ANKRD45: variants seen among roughly 807,000 people sequenced by gnomAD.
ANKRD45 encodes ankyrin repeat domain 45.
Under a neutral mutation model 28.1 loss-of-function variants are expected in ANKRD45, and 21 were observed. That is an observed-to-expected ratio of 0.75 (90% CI 0.53 to 1.08). The LOEUF (loss-of-function observed/expected upper bound fraction) is 1.08. Ranked by LOEUF, ANKRD45 falls within the 50% of genes least tolerant of loss-of-function variation. ANKRD45 has a pLI of 0.00. For missense variants in ANKRD45, 261 were observed against 308.7 expected (o/e 0.85, Z 1.16); for synonymous variants, 86 against 103.9 (o/e 0.83, Z 1.05).
chr1:173,623,091 G>A (rs1018298295), intron 5 of ANKRD45, among the ~76,000 whole-genome samples: 9 of 151,440 alleles, frequency 5.9e-5, no homozygotes, highest in Non-Finnish European at 1.2e-4. Flanking sequence ...TGAGGTGGGC[G>A]GACCACCTGA....
the ANKRD45 span, among the ~76,000 whole-genome samples, chr1:173,687,791 A>T: frequency 6.6e-6 from 1 of 152,152 alleles, no homozygotes; most frequent in East Asian, 1.9e-4. Context: ...CTCTGCTTCT[A>T]CAAGAGTTTC....
At chr1:173,670,894 A>G (rs1440961420), upstream of ANKRD45, among the ~76,000 whole-genome samples, 1 of 152,228 alleles carries the variant, frequency 6.6e-6, no homozygotes, top group Non-Finnish European at 1.5e-5. Flanking sequence ...ACTTAGAGGC[A>G]TGAAGAACAG....
upstream of ANKRD45, among the ~76,000 whole-genome samples, chr1:173,674,210 T>C (rs1292783917): frequency 6.6e-6 from 1 of 152,068 alleles, no homozygotes; most frequent in Non-Finnish European, 1.5e-5. Context: ...GACAGGGTTT[T>C]GCCATGTTGC....
chr1:173,691,068 C>T, the ANKRD45 span, among the ~76,000 whole-genome samples: 1 of 152,226 alleles, frequency 6.6e-6, no homozygotes, highest in African/African-American at 2.4e-5. Context: ...TAAGCCACCC[C>T]AACCAAGGAG....
intron 5 of ANKRD45, among the ~76,000 whole-genome samples, chr1:173,621,762 T>C (rs1667715250): frequency 6.6e-6 from 1 of 152,026 alleles, no homozygotes; most frequent in Non-Finnish European, 1.5e-5. Context: ...AAGGATGCCC[T>C]CTCCCACCAT....
the ANKRD45 span, among the ~76,000 whole-genome samples, chr1:173,714,298 A>G: frequency 1.3e-5 from 2 of 152,142 alleles, no homozygotes; most frequent in Non-Finnish European, 2.9e-5. Flanking sequence ...TTAAAAATAT[A>G]CTTTTTTGGC....
intron 3 of ANKRD45, among the ~76,000 whole-genome samples, chr1:173,643,476 G>A (rs183108864): frequency 6.6e-6 from 1 of 152,018 alleles, no homozygotes. Flanking sequence ...CAGGCTTCCT[G>A]AGAAAATTTT....
chr1:173,647,460 T>C (rs1194536764), intron 2 of ANKRD45, among the ~76,000 whole-genome samples: 1 of 152,192 alleles, frequency 6.6e-6, no homozygotes, highest in Admixed American at 6.5e-5. Context: ...ACTACAACTG[T>C]GTATACCTTA....
At chr1:173,692,044 T>G in the ANKRD45 span, among the ~76,000 whole-genome samples, 1 of 152,020 alleles carries the variant, frequency 6.6e-6, no homozygotes, top group Admixed American at 6.6e-5. Flanking sequence ...AATGAGTTAG[T>G]GTGGAGCAGC....
chr1:173,612,497 GA>G (rs1256027923), intron 5 of ANKRD45: 2 of 152,202 alleles, frequency 1.3e-5, no homozygotes, highest in Non-Finnish European at 2.9e-5. Flanking sequence ...CGTAATTTGG[GA>G]AATGCAAATC....
the ANKRD45 span, among the ~76,000 whole-genome samples, chr1:173,678,452 A>G: frequency 2.6e-5 from 4 of 152,202 alleles, no homozygotes; most frequent in South Asian, 2.1e-4. Flanking sequence ...AACAGAACCA[A>G]TGACAAAACC....
At chr1:173,710,176 A>AACAG in the ANKRD45 span, among the ~76,000 whole-genome samples, 1 of 152,072 alleles carries the variant, frequency 6.6e-6, no homozygotes, top group Non-Finnish European at 1.5e-5. Flanking sequence ...CAAACAAACA[A>AACAG]ACAAAATAGC....
the ANKRD45 span, among the ~76,000 whole-genome samples, chr1:173,704,101 G>C: frequency 8.5e-5 from 13 of 152,316 alleles, no homozygotes; most frequent in East Asian, 2.5e-3. Context: ...CATGTCCCGC[G>C]GTGGGGAGGC....
At chr1:173,659,708 A>T (rs540579867) in intron 1 of ANKRD45, among the ~76,000 whole-genome samples, 4 of 152,328 alleles carry the variant, frequency 2.6e-5, no homozygotes, top group Admixed American at 2.0e-4. Context: ...GAAAGAGATC[A>T]TATGATCTAA....
chr1:173,668,341 A>G (rs1229840566), intron 1 of ANKRD45, among the ~76,000 whole-genome samples: 1 of 152,242 alleles, frequency 6.6e-6, no homozygotes, highest in Non-Finnish European at 1.5e-5. Flanking sequence ...GGGAAGTCAC[A>G]GCAGGAACTC....
At chr1:173,661,305 G>A (rs946541439) in intron 1 of ANKRD45, among the ~76,000 whole-genome samples, 2 of 152,162 alleles carry the variant, frequency 1.3e-5, no homozygotes, top group African/African-American at 4.8e-5. Context: ...GGGCAAGACT[G>A]TCATTCAGAA....
chr1:173,660,594 G>A lies in ANKRD45; in HGVS notation c.-15-1161C>T, dbSNP rs371232637. On this transcript the variant is annotated intron_variant, in intron 1 of 5. Coordinates refer to ENST00000333279, the MANE Select transcript of ANKRD45 (RefSeq NM_198493.3). ...GCAATAATGAGGGGATGTAAATTCTGTAATTCAGTTACAACAGACTGTGAT... is the reference window on the plus strand; with the variant it reads ...GCAATAATGAGGGGATGTAAATTCTATAATTCAGTTACAACAGACTGTGAT... 2.9e-4 allele frequency among the ~76,000 whole-genome samples: 44 copies of A among 152,272 alleles called. No homozygotes were observed. In the South Asian group the frequency reaches 9.1e-3, roughly 32 times the overall value.
chr1:173,624,822 A>AT lies in ANKRD45; in HGVS notation c.694dup (p.Ile232AsnfsTer25). On this transcript the variant is annotated frameshift_variant, in exon 5 of 6. Transcript: ENST00000333279. LOFTEE classifies it high-confidence loss of function. ...CATTTTTGTGAAGATAGGAGTCACAATATCTTCCAGTTGTTGTCTCTGCTC... is the reference window on the plus strand; with the variant it reads ...CATTTTTGTGAAGATAGGAGTCACAATTATCTTCCAGTTGTTGTCTCTGCTC... 6.2e-7 allele frequency: 1 copy of AT among 1,613,818 alleles called. No homozygotes were observed. Among genetic ancestry groups the AT allele is most frequent in the African/African-American group, 1.3e-5 (1 of 75,040 alleles).
intron 1 of ANKRD45, among the ~76,000 whole-genome samples, chr1:173,660,882 C>T (rs1430146397): frequency 6.6e-6 from 1 of 152,114 alleles, no homozygotes; most frequent in Non-Finnish European, 1.5e-5. Flanking sequence ...GAGGATCCAG[C>T]TAACCTGTGC....
Sources: allele counts gnomAD v4.1 joint callset (sites outside exome capture counted in the v4.1 genomes callset), GRCh38; gene constraint gnomAD v4.1.1; transcripts MANE v1.5; gene names NCBI Gene and HGNC (gene_info 2026-07-23, HGNC 2026-07-21).